Variants in SRGAP3 observed in about 807,000 individuals in gnomAD.
SRGAP3 encodes the protein SLIT-ROBO Rho GTPase activating protein 3.
A neutral mutation model predicts 121.1 loss-of-function variants in SRGAP3; 39 were observed. The ratio of observed to expected loss-of-function variants is 0.32; its 90% CI spans 0.25 to 0.42. The LOEUF is 0.42. SRGAP3 is among the 10% of genes least tolerant of loss of function. The pLI is 1.00. For missense variants in SRGAP3, 1,213 were observed against 1,470.6 expected (o/e 0.82, Z 2.86); for synonymous variants, 601 against 570.0 (o/e 1.05, Z -0.77).
chr3:9,110,019 CTTGAAGGGTTT>C (rs1948558322), intron 2 of SRGAP3, among the ~76,000 whole-genome samples: 1 of 152,110 alleles, frequency 6.6e-6, no homozygotes, highest in Non-Finnish European at 1.5e-5. Flanking sequence ...GCAGGCAGAC[CTTGAAGGGTTT>C]ACAGAAGGGG....
intron 1 of SRGAP3, among the ~76,000 whole-genome samples, chr3:9,154,020 A>G (rs879382784): frequency 2.0e-5 from 3 of 152,050 alleles, no homozygotes; most frequent in Non-Finnish European, 4.4e-5. Context: ...TTTGAGTTCA[A>G]CAAAACCAAG....
intron 1 of SRGAP3, among the ~76,000 whole-genome samples, chr3:9,215,959 A>T (rs1952603103): frequency 6.6e-6 from 1 of 152,154 alleles, no homozygotes; most frequent in Non-Finnish European, 1.5e-5. Flanking sequence ...CTCCATTATG[A>T]TGTGAGCCAA....
rs1025808019 is a variant in SRGAP3, at chr3:9,158,332, G to T, written c.68-33415C>A. On this transcript the variant is annotated intron_variant, in intron 1 of 21. Coordinates refer to ENST00000383836, the MANE Select transcript of SRGAP3 (RefSeq NM_014850.4). ...GTTCTCCTTGAGGTTTTGCTCAAAC[G>T]CCAGAGAAGGGCAGTTGCTCATTCA... is the stretch of plus-strand genomic sequence containing the variant. Among the ~76,000 whole-genome samples, 3 of 152,142 alleles carry T rather than the reference G, an allele frequency of 2.0e-5. No homozygotes were observed. The South Asian group carries it at 6.2e-4, about 31-fold the overall frequency.
chr3:9,247,382 TG>T (rs1953861486), intron 1 of SRGAP3, among the ~76,000 whole-genome samples: 1 of 152,194 alleles, frequency 6.6e-6, no homozygotes, highest in Admixed American at 6.5e-5. Context: ...CAGGGTTTTC[TG>T]CTCCTCTTGC....
At chr3:9,058,194 G>T in intron 7 of SRGAP3, 57 bp downstream of exon 7, 1 of 1,566,970 alleles carries the variant, frequency 6.4e-7, no homozygotes, top group Non-Finnish European at 8.8e-7. Flanking sequence ...ATGTACTGGA[G>T]CACATGGGGG....
chr3:9,349,083 T>A, intron 1 of SRGAP3: 1 of 928,926 alleles, frequency 1.1e-6, no homozygotes, highest in Non-Finnish European at 1.8e-6. Context: ...GGTATTCCCG[T>A]TGTCTATGAA....
At chr3:9,073,390 C>T (rs1946812607) in intron 4 of SRGAP3, among the ~76,000 whole-genome samples, 1 of 152,260 alleles carries the variant, frequency 6.6e-6, no homozygotes, top group South Asian at 2.1e-4. Flanking sequence ...AGCGATCTGC[C>T]TGACTTGGCC....
At chr3:9,072,469 G>C (rs962516741) in intron 4 of SRGAP3, among the ~76,000 whole-genome samples, 1 of 152,202 alleles carries the variant, frequency 6.6e-6, no homozygotes, top group Non-Finnish European at 1.5e-5. Flanking sequence ...AGAAGGGAAG[G>C]TTACCTAGAG....
At chr3:9,043,733 T>G (rs1945126101) in intron 10 of SRGAP3, among the ~76,000 whole-genome samples, 1 of 152,168 alleles carries the variant, frequency 6.6e-6, no homozygotes, top group Non-Finnish European at 1.5e-5. Flanking sequence ...AGTAATTTTC[T>G]AGAAAGTCAG....
At chr3:9,182,748 G>C (rs892198976) in intron 1 of SRGAP3, among the ~76,000 whole-genome samples, 7 of 152,050 alleles carry the variant, frequency 4.6e-5, no homozygotes, top group African/African-American at 1.7e-4. Context: ...TGAACTCTTG[G>C]GCTCAAGTGA....
At chr3:9,257,698 C>CTTTTTTTTTTTTTTTTT (rs386395913) in intron 3 of SRGAP3, among the ~76,000 whole-genome samples, 2 of 73,246 alleles carry the variant, frequency 2.7e-5, no homozygotes, top group Non-Finnish European at 5.0e-5. Context: ...AAAATAGCTC[C>CTTTTTTTTTTTTTTTTT]TTTTTTTTTT....
Position 9,218,864 on chromosome 3 carries a change from G to T in SRGAP3, c.67+30021C>A, listed in dbSNP as rs1161417880. ...ATTTTTGTATTTTTAGTAGAGATGG[G>T]GTTTCACCATGTTGGCCAGGCTGGT... On this transcript the variant is annotated intron_variant, in intron 1 of 21. Transcript: ENST00000383836. This position sits in a 1 kb window ranked among gnomAD's most constrained non-coding sequence, Gnocchi z 5.3. 4.6e-5 allele frequency among the ~76,000 whole-genome samples: 7 copies of T among 152,090 alleles called. No homozygotes were observed. In the South Asian group the frequency reaches 1.2e-3, roughly 27 times the overall value.
chr3:9,088,723 C>T (rs1398874786), intron 3 of SRGAP3, among the ~76,000 whole-genome samples: 2 of 152,178 alleles, frequency 1.3e-5, no homozygotes, highest in Non-Finnish European at 2.9e-5. Flanking sequence ...TTTGGCCATT[C>T]AGTGCTTTCA....
intron 1 of SRGAP3, among the ~76,000 whole-genome samples, chr3:9,177,052 G>A (rs937746092): frequency 6.6e-6 from 1 of 152,146 alleles, no homozygotes; most frequent in Non-Finnish European, 1.5e-5. Context: ...TCTATCCTGA[G>A]GTTCTTAACC....
At chr3:9,240,062 G>A (rs147588294) in intron 1 of SRGAP3, among the ~76,000 whole-genome samples, 321 of 152,306 alleles carry the variant, frequency 2.1e-3, no homozygotes, top group African/African-American at 6.9e-3. Context: ...CCTGGGGGAA[G>A]CAGGCCTATT....
chr3:9,043,729 T>C (rs1945125968), intron 10 of SRGAP3, among the ~76,000 whole-genome samples: 2 of 152,164 alleles, frequency 1.3e-5, no homozygotes, highest in African/African-American at 2.4e-5. Flanking sequence ...GTTCAGTAAT[T>C]TTCTAGAAAG....
intron 3 of SRGAP3, among the ~76,000 whole-genome samples, chr3:9,084,734 A>G (rs1947385522): frequency 6.6e-6 from 1 of 152,208 alleles, no homozygotes; most frequent in Admixed American, 6.5e-5. Flanking sequence ...ACCTCTTACC[A>G]AAATCCTTAG....
At chr3:9,178,748 C>A (rs1951273906) in intron 1 of SRGAP3, among the ~76,000 whole-genome samples, 1 of 152,172 alleles carries the variant, frequency 6.6e-6, no homozygotes, top group African/African-American at 2.4e-5. Flanking sequence ...CTCCTCCTCC[C>A]AGTCCCTAGG....
chr3:9,035,744 A>G (rs112728234), intron 11 of SRGAP3: 34 of 164,772 alleles, frequency 2.1e-4, no homozygotes, highest in Middle Eastern at 2.6e-3. Context: ...CGTTGGCAAC[A>G]CAGGAAATAG....
Sources: allele counts gnomAD v4.1 joint callset (sites outside exome capture counted in the v4.1 genomes callset), GRCh38; gene constraint gnomAD v4.1.1; non-coding constraint Gnocchi (gnomAD v3.1); transcripts MANE v1.5; gene names NCBI Gene and HGNC (gene_info 2026-07-23, HGNC 2026-07-21).